The following DYNC2I2 variants were observed in gnomAD, a reference collection of about 807,000 sequenced individuals.
DYNC2I2 encodes cytoplasmic dynein 2 intermediate chain 2.
DYNC2I2 carries 39 observed loss-of-function variants against 52.0 expected under a neutral mutation model. The observed-to-expected ratio is 0.75, with a 90% CI of 0.58 to 0.98. The LOEUF (loss-of-function observed/expected upper bound fraction) is 0.98. Ranked by LOEUF, DYNC2I2 falls within the 50% of genes least tolerant of loss-of-function variation. The pLI is 0.00. For missense variants in DYNC2I2, 743 were observed against 728.4 expected (o/e 1.02, Z -0.23); for synonymous variants, 359 against 321.1 (o/e 1.12, Z -1.26).
At chr9:128,678,547 C>T in the DYNC2I2 span, among the ~76,000 whole-genome samples, 367 of 144,462 alleles carry the variant, frequency 2.5e-3, 1 homozygote, top group Non-Finnish European at 2.4e-3. Context: ...TTGCAGCCTC[C>T]ACCTCCCAGG....
chr9:128,648,393 C>G (rs1860656008), intron 1 of DYNC2I2, among the ~76,000 whole-genome samples: 1 of 151,366 alleles, frequency 6.6e-6, no homozygotes, highest in Admixed American at 6.6e-5. Flanking sequence ...GGCAACAGAG[C>G]CAGACTCCAT....
the DYNC2I2 span, among the ~76,000 whole-genome samples, chr9:128,667,958 CTTTTT>C: frequency 1.9e-5 from 1 of 52,878 alleles, no homozygotes; most frequent in Admixed American, 2.5e-4. Context: ...GTCTCGATCT[CTTTTT>C]TTTTTTTTTT....
chr9:128,653,976 A>C (rs891015064), intron 1 of DYNC2I2, among the ~76,000 whole-genome samples: 4 of 152,204 alleles, frequency 2.6e-5, no homozygotes, highest in Non-Finnish European at 5.9e-5. Flanking sequence ...GCGCCACTGC[A>C]CTCCAGCCTG....
chr9:128,634,798 CCT>C lies in DYNC2I2; in HGVS notation c.1103_1104del (p.Glu368GlyfsTer46), dbSNP rs759150616. The C allele has an allele frequency of 1.2e-4, 199 of 1,612,442 alleles. No homozygotes were observed. The highest frequency in any genetic ancestry group is 1.6e-4 in the Non-Finnish European group (184 of 1,179,560). ...FPLKCSLAAG[E>X]AALTRMPSSV... ...GAGCTGGGCATCCGCGTGAGGGCTGCCTCTCCAGCTGCCAGGGAACACTTGAG... is the reference window on the plus strand; with the variant it reads ...GAGCTGGGCATCCGCGTGAGGGCTGCCTCCAGCTGCCAGGGAACACTTGAG... On this transcript the variant is annotated frameshift_variant, in exon 7 of 9. Coordinates refer to ENST00000372715, the MANE Select transcript of DYNC2I2 (RefSeq NM_052844.4). LOFTEE classifies it high-confidence loss of function.
chr9:128,666,758 CAAA>C, the DYNC2I2 span, among the ~76,000 whole-genome samples: 3 of 116,126 alleles, frequency 2.6e-5, no homozygotes, highest in Non-Finnish European at 5.4e-5. Flanking sequence ...GACTCCATCT[CAAA>C]AAAAAAAAAA....
At position 128,633,949 on chromosome 9, in the gene DYNC2I2, GAGCTTTTCTGGAGATCAAAC is replaced by G. The variant is rs766361461; in HGVS notation, c.1386_1405del (p.Phe463ProfsTer13). On this transcript the variant is annotated frameshift_variant, in exon 9 of 9. Coordinates refer to ENST00000372715, the MANE Select transcript of DYNC2I2 (RefSeq NM_052844.4). LOFTEE classifies it high-confidence loss of function. ...CTTGATCAAAACTGTGGGTTTCTGG[GAGCTTTTCTGGAGATCAAAC>G]AGCTGCACGTCACCTGCAAAGAGAG... is the stretch of plus-strand genomic sequence containing the variant. 1.2e-6 allele frequency: 2 copies of G among 1,613,086 alleles called. No homozygotes were observed. The highest frequency in any genetic ancestry group is 3.3e-5 in the Admixed American group (2 of 60,020).
At chr9:128,668,471 C>T in the DYNC2I2 span, among the ~76,000 whole-genome samples, 3 of 151,596 alleles carry the variant, frequency 2.0e-5, no homozygotes, top group South Asian at 2.1e-4. Flanking sequence ...TCGTAAATCA[C>T]GATTGTGTCA....
At chr9:128,661,583 A>T (rs1456406348), upstream of DYNC2I2, among the ~76,000 whole-genome samples, 1 of 152,048 alleles carries the variant, frequency 6.6e-6, no homozygotes, top group African/African-American at 2.4e-5. Flanking sequence ...GAGCCGTTGC[A>T]CTCCAGCCTG....
rs1257306077 is a variant in DYNC2I2, at chr9:128,656,607, G to A, written c.120C>T (p.Asp40=). 6.7e-7 allele frequency: 1 copy of A among 1,494,148 alleles called. No individual in the cohort carries two copies. 92.6% of individuals were successfully genotyped at this position (1,494,148 alleles called of 1,614,324 possible). A position where few individuals can be genotyped will look rare whatever the true frequency, so the allele number is the denominator to read the frequency against. ...GCACGGACGCCACACCCAGGGTCTC[G>A]TCCTGCAGCGGCCCTGGCCGCCCCG... The part of the protein sequence containing the change: ...PGPGRPGPLQ[D]ETLGVASVPS... Residue 40 remains aspartate (D), a synonymous_variant, in exon 1 of 9, where the codon GAC becomes GAT. Coordinates refer to ENST00000372715, the MANE Select transcript of DYNC2I2 (RefSeq NM_052844.4).
At chr9:128,657,062 G>A (rs549624951), upstream of DYNC2I2, among the ~76,000 whole-genome samples, 5 of 152,342 alleles carry the variant, frequency 3.3e-5, no homozygotes, top group South Asian at 8.3e-4. Flanking sequence ...GCAGCCTGCG[G>A]CCGTGGCCGG....
At chr9:128,667,254 C>T in the DYNC2I2 span, among the ~76,000 whole-genome samples, 1 of 152,084 alleles carries the variant, frequency 6.6e-6, no homozygotes, top group African/African-American at 2.4e-5. Context: ...GTGCCAGCTA[C>T]TAGGCTAAGG....
chr9:128,646,196 TTTTC>T (rs1406626637), intron 1 of DYNC2I2, among the ~76,000 whole-genome samples: 3 of 152,114 alleles, frequency 2.0e-5, no homozygotes, highest in African/African-American at 7.2e-5. Flanking sequence ...AAACAATAGA[TTTTC>T]TTTTTGTTGT....
chr9:128,669,773 G>C, the DYNC2I2 span, among the ~76,000 whole-genome samples: 1 of 152,258 alleles, frequency 6.6e-6, no homozygotes, highest in South Asian at 2.1e-4. Context: ...CTGCCCCCCA[G>C]GTTCAAGGGA....
chr9:128,635,795 G>A, intron 4 of DYNC2I2, 28 bp from the exon 5 acceptor site: 5 of 1,582,436 alleles, frequency 3.2e-6, no homozygotes, highest in Non-Finnish European at 4.3e-6. Flanking sequence ...CTGGGCAGAG[G>A]CTCAGCCCCA....
the DYNC2I2 span, among the ~76,000 whole-genome samples, chr9:128,682,898 G>A: frequency 1.7e-4 from 25 of 150,338 alleles, no homozygotes; most frequent in Non-Finnish European, 7.4e-5. Flanking sequence ...GGATGGTCTC[G>A]ATTTCCTGAC....
Position 128,656,800 on chromosome 9 carries a change from C to T in DYNC2I2, c.-74G>A. On this transcript the variant is annotated 5_prime_UTR_variant, in exon 1 of 9. Transcript: ENST00000372715. ...CCCCTACGCCGCCATGAGCGGAAAA[C>T]GGGGAATGTGAGGCTGACGGCGCCA... is the stretch of plus-strand genomic sequence containing the variant. 3.8e-6 allele frequency: 5 copies of T among 1,302,474 alleles called. No individual in the cohort carries two copies. The highest frequency in any genetic ancestry group is 2.9e-6 in the Non-Finnish European group (3 of 1,020,298). The allele number at this position is 1,302,474 out of a possible 1,614,324, so 80.7% of individuals were successfully genotyped here.
At chr9:128,660,103 T>A (rs1860900673), upstream of DYNC2I2, among the ~76,000 whole-genome samples, 1 of 151,200 alleles carries the variant, frequency 6.6e-6, no homozygotes, top group Non-Finnish European at 1.5e-5. Context: ...ATTATTATTA[T>A]TATTTTTATT....
the DYNC2I2 span, among the ~76,000 whole-genome samples, chr9:128,667,579 T>C: frequency 1.3e-5 from 2 of 151,270 alleles, no homozygotes; most frequent in African/African-American, 4.9e-5. Flanking sequence ...CCTGTATTTT[T>C]TTCTTTTTTG....
chr9:128,670,761 A>G, the DYNC2I2 span, among the ~76,000 whole-genome samples: 173 of 151,042 alleles, frequency 1.1e-3, 1 homozygote, highest in Middle Eastern at 3.4e-3. Flanking sequence ...AGAAAAAAAA[A>G]AAAAAAGAGA....
Sources: allele counts gnomAD v4.1 joint callset (sites outside exome capture counted in the v4.1 genomes callset), GRCh38; gene constraint gnomAD v4.1.1; transcripts MANE v1.5; gene names NCBI Gene and HGNC (gene_info 2026-07-23, HGNC 2026-07-21).